Variants in UBXN7 observed in about 807,000 individuals in gnomAD.
The protein encoded by UBXN7 is UBX domain-containing protein 7.
UBXN7 carries 9 observed loss-of-function variants against 58.0 expected under a neutral mutation model. The ratio of observed to expected loss-of-function variants is 0.16; its 90% CI spans 0.09 to 0.27. UBXN7 has a LOEUF of 0.27. Ranked by LOEUF, UBXN7 falls within the 10% of genes least tolerant of loss-of-function variation. The probability of loss-of-function intolerance (pLI) is 1.00; values close to 1 mark genes in which losing one functional copy is unlikely to be tolerated. For synonymous variants in UBXN7, 208 were observed against 205.0 expected (o/e 1.01, Z -0.12); for missense variants, 328 against 599.6 (o/e 0.55, Z 4.73).
chr3:196,364,500 T>G (rs1560219284), intron 8 of UBXN7, among the ~76,000 whole-genome samples: 1 of 152,106 alleles, frequency 6.6e-6, no homozygotes, highest in Admixed American at 6.6e-5. Flanking sequence ...ACTGGCCATC[T>G]GCTGATAATT....
intron 3 of UBXN7, among the ~76,000 whole-genome samples, chr3:196,399,702 A>G (rs1322568338): frequency 3.9e-5 from 6 of 152,100 alleles, no homozygotes; most frequent in African/African-American, 1.4e-4. Context: ...TGGCCTCCCA[A>G]AGGACTGGGA....
At chr3:196,396,341 G>A (rs991276671) in intron 3 of UBXN7, among the ~76,000 whole-genome samples, 5 of 150,856 alleles carry the variant, frequency 3.3e-5, no homozygotes, top group South Asian at 2.1e-4. Flanking sequence ...TGAGAGGATC[G>A]CTTGAGCCAA....
intron 1 of UBXN7, among the ~76,000 whole-genome samples, chr3:196,409,715 T>C (rs1225328652): frequency 1.3e-5 from 2 of 152,134 alleles, no homozygotes; most frequent in East Asian, 1.9e-4. Context: ...ACTGCCAAGG[T>C]AGAAGCGTCC....
At chr3:196,396,699 C>T (rs540944650) in intron 3 of UBXN7, among the ~76,000 whole-genome samples, 96 of 152,026 alleles carry the variant, frequency 6.3e-4, no homozygotes, top group African/African-American at 2.2e-3. Flanking sequence ...GGAGGTGGAG[C>T]TTGCAGTGAG....
chr3:196,394,664 T>C (rs769551549), intron 3 of UBXN7, among the ~76,000 whole-genome samples: 1 of 151,828 alleles, frequency 6.6e-6, no homozygotes, highest in African/African-American at 2.4e-5. Context: ...AGAAAGAAGA[T>C]TTTGAGGATG....
intron 1 of UBXN7, among the ~76,000 whole-genome samples, chr3:196,419,321 T>TAAATAAACAAATAAAC (rs139881636): frequency 6.7e-6 from 1 of 150,214 alleles, no homozygotes; most frequent in Non-Finnish European, 1.5e-5. Flanking sequence ...AATAAATAAA[T>TAAATAAACAAATAAAC]AAACAATGTG....
rs143877571 is a variant in UBXN7 at position 196,405,113 on chromosome 3, T to C, written c.222-2094A>G. On this transcript the variant is annotated intron_variant, in intron 2 of 10. Transcript: ENST00000296328. The stretch of plus-strand genomic sequence containing the variant: ...GTGAGTTGAGAGCAGTAAGCAGAGA[T>C]CACACCCCTACATTCCAGTCTGAGT... Among the ~76,000 whole-genome samples the C allele has an allele frequency of 8.6e-3, 1,310 of 151,988 alleles. 19 individuals are homozygous for C. The highest frequency in any genetic ancestry group is 0.03 in the African/African-American group (1,226 of 41,446).
chr3:196,384,583 A>G (rs184630115), intron 5 of UBXN7, among the ~76,000 whole-genome samples: 150 of 152,364 alleles, frequency 9.8e-4, no homozygotes, highest in Middle Eastern at 3.4e-3. Context: ...CCAGCAGCAC[A>G]TGAAAAAGCT....
intron 5 of UBXN7, among the ~76,000 whole-genome samples, chr3:196,378,265 T>C (rs1729092747): frequency 6.6e-6 from 1 of 152,218 alleles, no homozygotes; most frequent in Non-Finnish European, 1.5e-5. Context: ...CTCCAGTTTT[T>C]AACTAAGCAT....
At chr3:196,413,555 C>T (rs1236406585) in intron 1 of UBXN7, among the ~76,000 whole-genome samples, 1 of 152,050 alleles carries the variant, frequency 6.6e-6, no homozygotes, top group Admixed American at 6.6e-5. Context: ...GAGAAACATT[C>T]TTAGACCCTT....
At chr3:196,420,150 TAGA>T (rs1161772304) in intron 1 of UBXN7, among the ~76,000 whole-genome samples, 1 of 152,192 alleles carries the variant, frequency 6.6e-6, no homozygotes, top group East Asian at 1.9e-4. Flanking sequence ...TTACTACAGT[TAGA>T]AGAACATACC....
chr3:196,403,071 G>T, intron 2 of UBXN7, 52 bp from the exon 3 acceptor site: 1 of 1,512,526 alleles, frequency 6.6e-7, no homozygotes, highest in Non-Finnish European at 9.0e-7. Context: ...TCTGCTACCT[G>T]TTTGCTTTCT....
At position 196,375,478 on chromosome 3, in the gene UBXN7, T is replaced by C. The variant is rs143141641; in HGVS notation, c.469-3436A>G. 3.8e-4 allele frequency among the ~76,000 whole-genome samples: 58 copies of C among 152,132 alleles called. 1 individual carries two copies. The highest frequency in any genetic ancestry group is 7.2e-4 in the Non-Finnish European group (49 of 67,998). Reference sequence around the variant, plus strand: ...AAAAGATTTAAAATAATTGAATATATGCAATTTAAAAAGAGAGAGTCTTAA... The same window carrying C: ...AAAAGATTTAAAATAATTGAATATACGCAATTTAAAAAGAGAGAGTCTTAA... On this transcript the variant is annotated intron_variant, in intron 5 of 10. Transcript: ENST00000296328.
Position 196,371,933 on chromosome 3 carries a change from A to G in UBXN7, c.578T>C (p.Val193Ala). 6.2e-7 allele frequency: 1 copy of G among 1,613,536 alleles called. No individual in the cohort carries two copies. The highest frequency in any genetic ancestry group is 8.5e-7 in the Non-Finnish European group (1 of 1,179,872). ...LNRDVWSNEA[V>A]KNIIREHFIF... ...GAAATGTTCCCGGATAATATTCTTC[A>G]CAGCTTCGTTGCTCCACACATCGCG... Residue 193 changes from valine (V) to alanine (A), a missense_variant, in exon 6 of 11, where the codon GTG (valine) becomes GCG (alanine). Coordinates refer to ENST00000296328, the MANE Select transcript of UBXN7 (RefSeq NM_015562.2).
rs548639046 is a variant in UBXN7 at position 196,386,780 on chromosome 3, T to C, written c.468+5033A>G. Reference sequence around the variant, plus strand: ...AAGAATCAATACCTGAAAATGGCCATATTGCCCAAAGTAATTTCTAGATTC... The same window carrying C: ...AAGAATCAATACCTGAAAATGGCCACATTGCCCAAAGTAATTTCTAGATTC... On this transcript the variant is annotated intron_variant, in intron 5 of 10. Transcript: ENST00000296328. Among the ~76,000 whole-genome samples the C allele has an allele frequency of 8.5e-5, 13 of 152,222 alleles. No homozygotes were observed. The South Asian group carries it at 2.7e-3, about 32-fold the overall frequency.
In UBXN7 at chr3:196,356,715, T is replaced by C. The variant is rs759431882; in HGVS notation, c.1440A>G (p.Gln480=). ...ITLQEAGLCP[Q]ETVFVQERN Reference sequence around the variant, plus strand: ...TTCTTTCCTGTACAAAGACAGTCTCTTGAGGACAAAGGCCTGCCTCTTGCA... The same window carrying C: ...TTCTTTCCTGTACAAAGACAGTCTCCTGAGGACAAAGGCCTGCCTCTTGCA... Residue 480 remains glutamine, a synonymous_variant, in exon 11 of 11, where the codon CAA becomes CAG. Coordinates refer to ENST00000296328, the MANE Select transcript of UBXN7 (RefSeq NM_015562.2). 2.5e-6 allele frequency: 4 copies of C among 1,610,008 alleles called. No individual in the cohort carries two copies. The highest frequency in any genetic ancestry group is 1.3e-5 in the African/African-American group (1 of 74,654).
intron 1 of UBXN7, among the ~76,000 whole-genome samples, chr3:196,418,991 C>A (rs577298433): frequency 2.6e-5 from 4 of 152,148 alleles, no homozygotes; most frequent in Non-Finnish European, 5.9e-5. Context: ...TGAGGTCGAG[C>A]GCGGTGGCTC....
At chr3:196,426,958 T>G (rs7373103) in intron 1 of UBXN7, among the ~76,000 whole-genome samples, 77,388 of 151,986 alleles carry the variant, frequency 0.51, 20,256 homozygotes, top group East Asian at 0.87. Flanking sequence ...TCTGAAAGAT[T>G]AAGGTCTCTT....
Position 196,372,049 on chromosome 3 carries a change from G to A in UBXN7, c.469-7C>T, listed in dbSNP as rs774342204. ...TCTGGCCACACTCTTTGGCCTGCAA[G>A]AGTAAAGTTACACATTTGTTAGAAA... On this transcript the variant is annotated splice_region_variant and splice_polypyrimidine_tract_variant and intron_variant, in intron 5 of 10. Coordinates refer to ENST00000296328, the MANE Select transcript of UBXN7 (RefSeq NM_015562.2). 3.4e-5 allele frequency: 54 copies of A among 1,587,428 alleles called. No homozygotes were observed. Among genetic ancestry groups the A allele is most frequent in the Non-Finnish European group, 4.3e-5 (50 of 1,167,436 alleles).
Sources: gnomAD v4.1 joint callset for allele counts (sites outside exome capture counted in the v4.1 genomes callset) on GRCh38, gnomAD v4.1.1 for gene constraint, MANE v1.5 for transcripts, NCBI Gene and HGNC (gene_info 2026-07-23, HGNC 2026-07-21) for gene names.